Variants in FER1L5 observed in about 807,000 individuals in gnomAD.
The protein encoded by FER1L5 is fer-1-like protein 5.
A neutral mutation model predicts 279.9 loss-of-function variants in FER1L5; 187 were observed. The observed-to-expected ratio is 0.67, with a 90% CI of 0.59 to 0.75. The LOEUF (loss-of-function observed/expected upper bound fraction) is 0.75. Ranked by LOEUF, FER1L5 falls within the 30% of genes least tolerant of loss-of-function variation. FER1L5 has a pLI of 0.00. For missense variants in FER1L5, 2,091 were observed against 2,594.4 expected, an observed-to-expected ratio of 0.81 and a Z score of 4.21; for synonymous variants, 921 against 989.7, an observed-to-expected ratio of 0.93 and a Z score of 1.30.
intron 14 of FER1L5, among the ~76,000 whole-genome samples, chr2:96,667,582 G>A (rs1478822480): frequency 1.3e-5 from 2 of 151,994 alleles, no homozygotes; most frequent in East Asian, 3.9e-4. Context: ...CCTGACCTCA[G>A]GTGATCTGCC....
intron 14 of FER1L5, among the ~76,000 whole-genome samples, chr2:96,664,770 G>T (rs941668234): frequency 6.6e-6 from 1 of 152,170 alleles, no homozygotes; most frequent in Non-Finnish European, 1.5e-5. Context: ...ACTTTCCAGA[G>T]AACTTAAATG....
intron 14 of FER1L5, among the ~76,000 whole-genome samples, chr2:96,664,449 C>T (rs981509368): frequency 1.3e-5 from 2 of 152,138 alleles, no homozygotes; most frequent in African/African-American, 4.8e-5. Flanking sequence ...TCAGTAAGTA[C>T]CCTTATTTGT....
chr2:96,673,321 C>A, intron 19 of FER1L5, 67 bp downstream of exon 19: 1 of 1,436,560 alleles, frequency 7.0e-7, no homozygotes, highest in Non-Finnish European at 9.4e-7. Flanking sequence ...GCTAGGCTCT[C>A]TCAGGGGTAT....
chr2:96,694,342 C>G lies in FER1L5; in HGVS notation c.3637-18C>G, dbSNP rs72809820. 1.2e-5 allele frequency: 18 copies of G among 1,537,244 alleles called. No individual in the cohort carries two copies. Among genetic ancestry groups the G allele is most frequent in the Middle Eastern group, 1.7e-4 (1 of 5,938 alleles). On this transcript the variant is annotated intron_variant, in intron 33 of 52. Coordinates refer to ENST00000624922, the MANE Select transcript of FER1L5 (RefSeq NM_001293083.2). This position sits in a 1 kb window ranked among gnomAD's most constrained non-coding sequence, Gnocchi z 4.6. ...CAGGACCAGCCCAGAGGGCCTCATG[C>G]TCCCTGCCCTCCCCCAGAAGCTTGG...
At chr2:96,655,606 G>A (rs1459147846) in intron 9 of FER1L5, among the ~76,000 whole-genome samples, 1 of 152,174 alleles carries the variant, frequency 6.6e-6, no homozygotes, top group Admixed American at 6.5e-5. Context: ...ATGGTAGGAG[G>A]TGAAAAATGT....
chr2:96,692,260 A>G, intron 31 of FER1L5, 79 bp downstream of exon 31: 2 of 1,472,396 alleles, frequency 1.4e-6, no homozygotes, highest in South Asian at 1.2e-5. Flanking sequence ...TGCAGCAGCC[A>G]AGGCAGCCCT....
chr2:96,676,547 T>G (rs780380147), intron 19 of FER1L5, among the ~76,000 whole-genome samples: 1 of 152,150 alleles, frequency 6.6e-6, no homozygotes, highest in Non-Finnish European at 1.5e-5. Flanking sequence ...TTACTTCCCA[T>G]TTTCCTATTT....
At chr2:96,674,294 C>G (rs2076431960) in intron 19 of FER1L5, among the ~76,000 whole-genome samples, 1 of 152,154 alleles carries the variant, frequency 6.6e-6, no homozygotes, top group Non-Finnish European at 1.5e-5. Flanking sequence ...GCGATCTCGG[C>G]TCACTGCAAC....
chr2:96,667,839 C>A (rs542416020), intron 14 of FER1L5, among the ~76,000 whole-genome samples: 1 of 152,170 alleles, frequency 6.6e-6, no homozygotes, highest in East Asian at 1.9e-4. Context: ...GTCAGAGGGG[C>A]CTGAAGCTTA....
At chr2:96,687,526 T>A (rs1476511689) in intron 23 of FER1L5, among the ~76,000 whole-genome samples, 1 of 152,196 alleles carries the variant, frequency 6.6e-6, no homozygotes, top group Non-Finnish European at 1.5e-5. Context: ...TGCCAGCCCA[T>A]AACAAGCACA....
chr2:96,685,546 C>T, intron 21 of FER1L5, 117 bp downstream of exon 21: 1 of 834,694 alleles, frequency 1.2e-6, no homozygotes, highest in Non-Finnish European at 1.8e-6. Context: ...AGGAGCACTG[C>T]TCAGACCTCT....
chr2:96,661,090 G>T (rs887905950), intron 10 of FER1L5, among the ~76,000 whole-genome samples: 10 of 152,164 alleles, frequency 6.6e-5, no homozygotes, highest in African/African-American at 4.8e-5. Context: ...AGAACAGTAG[G>T]TTCCCAAGGC....
At position 96,700,441 on chromosome 2, in the gene FER1L5, G is replaced by A. The variant is rs957039252; in HGVS notation, c.5040G>A (p.Leu1680=). 1.9e-6 allele frequency: 3 copies of A among 1,613,674 alleles called. No individual in the cohort carries two copies. The highest frequency in any genetic ancestry group is 2.5e-6 in the Non-Finnish European group (3 of 1,179,870). The change falls in exon 45 of 53, where the codon CTG becomes CTA. Residue 1680 remains leucine (L), a synonymous_variant. Transcript: ENST00000624922. ...LVPEHVETRT[L]YSHSQPGIDQ... is the part of the protein sequence containing the mutation. The stretch of plus-strand genomic sequence containing the variant: ...CTGAGCACGTGGAGACCCGCACACT[G>A]TACAGCCACAGCCAGCCAGGCATCG...
intron 7 of FER1L5, chr2:96,653,339 G>T: frequency 3.0e-6 from 1 of 338,416 alleles, no homozygotes; most frequent in Non-Finnish European, 5.4e-6. Context: ...GATTTTTTTT[G>T]GGAATCTGGA....
Position 96,653,467 on chromosome 2 carries a change from C to T in FER1L5, c.634-173C>T. On this transcript the variant is annotated intron_variant, in intron 7 of 52. Transcript: ENST00000624922. Reference sequence around the variant, plus strand: ...ACTCAGAAAGTTTCAGATTTTGGAGCATTTTTTATTTCAGATTTTTGGATT... The same window carrying T: ...ACTCAGAAAGTTTCAGATTTTGGAGTATTTTTTATTTCAGATTTTTGGATT... 5 of 610,576 alleles carry T rather than the reference C, an allele frequency of 8.2e-6. No individual in the cohort carries two copies. The South Asian group carries it at 9.8e-5, about 12-fold the overall frequency. 37.8% of individuals were successfully genotyped at this position (610,576 alleles called of 1,614,324 possible). A position where few individuals can be genotyped will look rare whatever the true frequency, so the allele number is the denominator to read the frequency against.
chr2:96,657,394 G>A (rs2106481565), intron 9 of FER1L5, among the ~76,000 whole-genome samples: 1 of 152,030 alleles, frequency 6.6e-6, no homozygotes, highest in Non-Finnish European at 1.5e-5. Flanking sequence ...TTATGTTATG[G>A]TTTTATTGAG....
chr2:96,650,094 TG>T, intron 5 of FER1L5, 85 bp from the exon 6 acceptor site: 3 of 1,054,734 alleles, frequency 2.8e-6, no homozygotes, highest in South Asian at 1.4e-5. Context: ...AGATGGTCAC[TG>T]GGGACAGAAT....
intron 19 of FER1L5, among the ~76,000 whole-genome samples, chr2:96,677,685 G>A (rs2076559485): frequency 1.3e-5 from 2 of 151,996 alleles, no homozygotes; most frequent in South Asian, 4.2e-4. Context: ...GACCAACATG[G>A]TGAAACCCCG....
chr2:96,659,413 CT>C (rs2075815348), intron 9 of FER1L5, among the ~76,000 whole-genome samples: 115 of 6,364 alleles, frequency 0.018, 6 homozygotes, highest in Admixed American at 0.033. Flanking sequence ...TTCTTTCTTT[CT>C]TTCTTTCTTT....
Sources: allele counts gnomAD v4.1 joint callset (sites outside exome capture counted in the v4.1 genomes callset), GRCh38; gene constraint gnomAD v4.1.1; non-coding constraint Gnocchi (gnomAD v3.1); transcripts MANE v1.5; gene names NCBI Gene and HGNC (gene_info 2026-07-23, HGNC 2026-07-21).